CNNM2: variants seen among roughly 807,000 people sequenced by gnomAD.
CNNM2 encodes metal transporter CNNM2.
In CNNM2, 12 loss-of-function variants were observed where a neutral mutation model predicts 66.9. The observed-to-expected ratio is 0.18, with a 90% CI of 0.11 to 0.29. The LOEUF (loss-of-function observed/expected upper bound fraction) is 0.29, where lower values mean the gene tolerates loss of function less well. Among genes scored for constraint, CNNM2 ranks in the 10% least tolerant of loss-of-function variants. The pLI is 1.00. For missense variants in CNNM2, 705 were observed against 1,167.7 expected (o/e 0.60, Z 5.77); for synonymous variants, 557 against 501.8 (o/e 1.11, Z -1.47).
At chr10:102,934,677 A>G (rs1487771290) in intron 1 of CNNM2, among the ~76,000 whole-genome samples, 1 of 151,958 alleles carries the variant, frequency 6.6e-6, no homozygotes. Flanking sequence ...AAGACTAGCT[A>G]ATATCTAAAT....
At chr10:102,988,197 G>T (rs890989240) in intron 1 of CNNM2, among the ~76,000 whole-genome samples, 1 of 152,142 alleles carries the variant, frequency 6.6e-6, no homozygotes, top group African/African-American at 2.4e-5. Flanking sequence ...AGCTACTTGG[G>T]AGGCTGAGGC....
intron 1 of CNNM2, among the ~76,000 whole-genome samples, chr10:102,988,995 CAGT>C (rs2063847672): frequency 6.6e-6 from 1 of 152,118 alleles, no homozygotes; most frequent in Admixed American, 6.5e-5. Flanking sequence ...AAGAAGTACT[CAGT>C]AGTAACCCTG....
chr10:102,926,349 T>A (rs1405725214), intron 1 of CNNM2, among the ~76,000 whole-genome samples: 1 of 152,238 alleles, frequency 6.6e-6, no homozygotes, highest in Non-Finnish European at 1.5e-5. Flanking sequence ...AGGAGCTGGA[T>A]GAAGCGGGAA....
intron 1 of CNNM2, among the ~76,000 whole-genome samples, chr10:102,930,432 A>T (rs1322967521): frequency 1.3e-5 from 2 of 152,244 alleles, no homozygotes; most frequent in Non-Finnish European, 2.9e-5. Context: ...TGCTAAGAAC[A>T]TTATGAATCC....
Position 102,919,407 on chromosome 10 carries a change from C to G in CNNM2, c.927C>G (p.Arg309=), listed in dbSNP as rs544476206. 1.9e-6 allele frequency: 3 copies of G among 1,611,638 alleles called. No homozygotes were observed. The highest frequency in any genetic ancestry group is 2.5e-6 in the Non-Finnish European group (3 of 1,180,040). ...ACGCCAAGCGCATCGAGCCGGTGCG[C>G]AGGCAGGGCAACTACCTGCTGTGCT... is the stretch of plus-strand genomic sequence containing the variant. ...KNYAKRIEPV[R]RQGNYLLCSL... Residue 309 remains arginine, a synonymous_variant, in exon 1 of 8, where the codon CGC becomes CGG. Coordinates refer to ENST00000369878, the MANE Select transcript of CNNM2 (RefSeq NM_017649.5).
intron 1 of CNNM2, among the ~76,000 whole-genome samples, chr10:103,027,754 T>TC (rs1564851392): frequency 2.0e-5 from 3 of 152,240 alleles, no homozygotes. Context: ...ATTTTTAGCT[T>TC]CCTAACCCAT....
intron 1 of CNNM2, among the ~76,000 whole-genome samples, chr10:102,963,648 T>C (rs2063418024): frequency 1.3e-5 from 2 of 152,164 alleles, no homozygotes; most frequent in South Asian, 2.1e-4. Context: ...TTCTTTCTTT[T>C]TTTTTATTAA....
chr10:103,084,233 T>C lies in CNNM2; in HGVS notation c.*7053T>C, dbSNP rs1291498226. 2 of 152,208 alleles carry C rather than the reference T, an allele frequency of 1.3e-5. No homozygotes were observed. The highest frequency in any genetic ancestry group is 2.9e-5 in the Non-Finnish European group (2 of 68,034). The allele number at this position is 152,208 out of a possible 1,614,324, so 9.4% of individuals were successfully genotyped here. A position where few individuals can be genotyped will look rare whatever the true frequency, so the allele number is the denominator to read the frequency against. On this transcript the variant is annotated 3_prime_UTR_variant, in exon 8 of 8. Transcript: ENST00000369878. ...TTTAGCCTCTTGACTGGTCCATTTA[T>C]AGTCTCCACTGAATTTATTTAACCG...
chr10:102,956,492 A>G (rs776173465), intron 1 of CNNM2, among the ~76,000 whole-genome samples: 1 of 152,210 alleles, frequency 6.6e-6, no homozygotes, highest in Non-Finnish European at 1.5e-5. Context: ...AGGATTATAA[A>G]TCATGCTACT....
intron 4 of CNNM2, among the ~76,000 whole-genome samples, chr10:103,058,006 C>T (rs1203544715): frequency 2.0e-5 from 3 of 152,156 alleles, no homozygotes; most frequent in African/African-American, 7.2e-5. Context: ...TAATGTGGAT[C>T]AAATGTGTAG....
At chr10:102,961,286 T>C (rs2063375181) in intron 1 of CNNM2, among the ~76,000 whole-genome samples, 1 of 152,184 alleles carries the variant, frequency 6.6e-6, no homozygotes, top group Non-Finnish European at 1.5e-5. Context: ...AACACCATGC[T>C]CTGGTAATGT....
chr10:103,028,483 T>A (rs1443346177), intron 1 of CNNM2, among the ~76,000 whole-genome samples: 3 of 152,218 alleles, frequency 2.0e-5, no homozygotes, highest in Non-Finnish European at 4.4e-5. Context: ...GTTTTTCAAG[T>A]GGGCTTCATC....
intron 1 of CNNM2, among the ~76,000 whole-genome samples, chr10:103,036,520 C>T (rs774100872): frequency 1.3e-5 from 2 of 152,150 alleles, no homozygotes; most frequent in Non-Finnish European, 2.9e-5. Flanking sequence ...TGGGAGAAGC[C>T]AAAGAGGAGC....
In CNNM2 at chr10:102,937,240, C is replaced by T. The variant is rs995458797; in HGVS notation, c.1621+17139C>T. 5.6e-5 allele frequency among the ~76,000 whole-genome samples: 7 copies of T among 125,160 alleles called. No individual in the cohort carries two copies. The East Asian group carries it at 1.8e-3, about 33-fold the overall frequency. 82.1% of individuals were successfully genotyped at this position (125,160 alleles called of 152,430 possible). A position where few individuals can be genotyped will look rare whatever the true frequency, so the allele number is the denominator to read the frequency against. On this transcript the variant is annotated intron_variant, in intron 1 of 7. Coordinates refer to ENST00000369878, the MANE Select transcript of CNNM2 (RefSeq NM_017649.5). Reference sequence around the variant, plus strand: ...AAACTTTTTTATACTTACATGATAGCCCTGATTAAATAAAAGTTTGGTGAA... The same window carrying T: ...AAACTTTTTTATACTTACATGATAGTCCTGATTAAATAAAAGTTTGGTGAA...
chr10:103,007,391 G>C (rs924227736), intron 1 of CNNM2, among the ~76,000 whole-genome samples: 14 of 152,136 alleles, frequency 9.2e-5, no homozygotes, highest in African/African-American at 3.4e-4. Context: ...TCTGACCTCA[G>C]ATTTACCAGG....
At chr10:102,988,064 C>T (rs983651866) in intron 1 of CNNM2, among the ~76,000 whole-genome samples, 7 of 151,896 alleles carry the variant, frequency 4.6e-5, no homozygotes, top group Non-Finnish European at 1.0e-4. Flanking sequence ...TTTGGGAGGC[C>T]GAGGCGGGTG....
chr10:103,054,930 T>C lies in CNNM2; in HGVS notation c.1903+464T>C, dbSNP rs1016113354. 5.9e-5 allele frequency among the ~76,000 whole-genome samples: 9 copies of C among 152,250 alleles called. No individual in the cohort carries two copies. The highest frequency in any genetic ancestry group is 5.9e-4 in the Admixed American group (9 of 15,288). On this transcript the variant is annotated intron_variant, in intron 3 of 7. Coordinates refer to ENST00000369878, the MANE Select transcript of CNNM2 (RefSeq NM_017649.5). This position sits in a 1 kb window ranked among gnomAD's most constrained non-coding sequence, Gnocchi z 5.2. ...GACATCAGTGGTAACACAGGGGCTG[T>C]GATTTGCAAAGAAGAAAACTAGGTT...
intron 1 of CNNM2, among the ~76,000 whole-genome samples, chr10:102,938,128 A>T (rs1846305982): frequency 6.6e-6 from 1 of 151,466 alleles, no homozygotes; most frequent in Admixed American, 6.6e-5. Context: ...GTGAGACCTC[A>T]TCTCTACAAA....
rs1338040632 is a variant in CNNM2 at position 103,089,690 on chromosome 10, CTCCTCT to C, written c.*12513_*12518del. ...TTCCTCCTTATTCTTCCTCCTCCTC[CTCCTCT>C]TCATCATCATCTTCGTCATGGCAGT... On this transcript the variant is annotated 3_prime_UTR_variant, in exon 8 of 8. Transcript: ENST00000369878. 20 of 1,607,820 alleles carry C rather than the reference CTCCTCT, an allele frequency of 1.2e-5. No homozygotes were observed. Among genetic ancestry groups the C allele is most frequent in the Middle Eastern group, 1.7e-4 (1 of 5,914 alleles).
Sources: gnomAD v4.1 joint callset for allele counts (sites outside exome capture counted in the v4.1 genomes callset) on GRCh38, gnomAD v4.1.1 for gene constraint, Gnocchi (gnomAD v3.1) non-coding constraint, MANE v1.5 for transcripts, NCBI Gene and HGNC (gene_info 2026-07-23, HGNC 2026-07-21) for gene names.